CPNE8: variants seen among roughly 807,000 people sequenced by gnomAD.
The protein encoded by CPNE8 is copine-8.
In CPNE8, 45 loss-of-function variants were observed where a neutral mutation model predicts 81.5. That is an observed-to-expected ratio of 0.55 (90% CI 0.44 to 0.71). The LOEUF is 0.71. CPNE8 is among the 30% of genes least tolerant of loss of function. The probability of loss-of-function intolerance (pLI) is 0.00; values close to 1 mark genes in which losing one functional copy is unlikely to be tolerated. For missense variants in CPNE8, 594 were observed against 672.1 expected, an observed-to-expected ratio of 0.88 and a Z score of 1.28; for synonymous variants, 252 against 226.3, an observed-to-expected ratio of 1.11 and a Z score of -1.02.
intron 6 of CPNE8, among the ~76,000 whole-genome samples, chr12:38,811,153 C>T (rs1331893495): frequency 6.6e-6 from 1 of 151,938 alleles, no homozygotes; most frequent in African/African-American, 2.4e-5. Context: ...TGCACATACC[C>T]GTAATCTCAC....
chr12:38,848,726 C>G, intron 3 of CPNE8, 64 bp from the exon 4 acceptor site: 7 of 1,466,574 alleles, frequency 4.8e-6, no homozygotes, highest in Non-Finnish European at 6.3e-6. Context: ...AAGTATAGTA[C>G]TTAATATCAC....
At position 38,806,532 on chromosome 12, in the gene CPNE8, C is replaced by A. The variant is rs554350658; in HGVS notation, c.407+22847G>T. 3.3e-5 allele frequency among the ~76,000 whole-genome samples: 5 copies of A among 149,902 alleles called. No individual in the cohort carries two copies. The South Asian group carries it at 1.1e-3, about 32-fold the overall frequency. On this transcript the variant is annotated intron_variant, in intron 6 of 19. Transcript: ENST00000331366. ...GATTATCTCAATAAATGCAGAAAAG[C>A]CCTTTGACAAAATTCAACAACCCTT...
chr12:38,818,778 A>C (rs1198356653), intron 6 of CPNE8, among the ~76,000 whole-genome samples: 2 of 152,182 alleles, frequency 1.3e-5, no homozygotes, highest in Non-Finnish European at 2.9e-5. Flanking sequence ...ATTTCTCCAC[A>C]TTCTCTCCAA....
At chr12:38,825,410 A>G (rs1304279375) in intron 6 of CPNE8, among the ~76,000 whole-genome samples, 1 of 151,990 alleles carries the variant, frequency 6.6e-6, no homozygotes, top group Non-Finnish European at 1.5e-5. Flanking sequence ...GAAGAGCAGG[A>G]GTTAGCAAGG....
intron 6 of CPNE8, among the ~76,000 whole-genome samples, chr12:38,799,256 G>C (rs1942591792): frequency 1.3e-5 from 2 of 151,532 alleles, no homozygotes; most frequent in Admixed American, 6.6e-5. Context: ...ATTTTTTTCA[G>C]CACACCACAC....
intron 6 of CPNE8, among the ~76,000 whole-genome samples, chr12:38,818,484 A>G (rs1443737719): frequency 6.6e-6 from 1 of 152,202 alleles, no homozygotes; most frequent in Non-Finnish European, 1.5e-5. Context: ...ATGTCTGCAC[A>G]GTATTCTATG....
intron 6 of CPNE8, among the ~76,000 whole-genome samples, chr12:38,777,731 C>A (rs1486399466): frequency 6.6e-6 from 1 of 152,186 alleles, no homozygotes; most frequent in Non-Finnish European, 1.5e-5. Context: ...AGCCTAGGAA[C>A]AAGAGGTTAT....
At chr12:38,807,729 A>G (rs902628598) in intron 6 of CPNE8, among the ~76,000 whole-genome samples, 2 of 151,194 alleles carry the variant, frequency 1.3e-5, no homozygotes, top group African/African-American at 4.8e-5. Context: ...AAGCAATGGC[A>G]ACAAAAGACA....
At chr12:38,734,088 T>G (rs149943372) in intron 10 of CPNE8, among the ~76,000 whole-genome samples, 3 of 152,082 alleles carry the variant, frequency 2.0e-5, no homozygotes, top group Admixed American at 2.0e-4. Context: ...AGTTCCTATA[T>G]TATATTAAAC....
intron 1 of CPNE8, among the ~76,000 whole-genome samples, chr12:38,900,622 G>T (rs564284793): frequency 6.6e-6 from 1 of 152,302 alleles, no homozygotes; most frequent in South Asian, 2.1e-4. Context: ...AGGTAGGGCA[G>T]GGCAAAGAGC....
intron 6 of CPNE8, among the ~76,000 whole-genome samples, chr12:38,783,069 G>A (rs1266295166): frequency 6.6e-6 from 1 of 152,102 alleles, no homozygotes; most frequent in Non-Finnish European, 1.5e-5. Flanking sequence ...TCTTTTAACT[G>A]TATTCTTACA....
rs117833315 is a variant in CPNE8, at chr12:38,863,131, C to G, written c.186+9873G>C. 2.1e-3 allele frequency among the ~76,000 whole-genome samples: 321 copies of G among 152,038 alleles called. 12 individuals are homozygous for G. In the East Asian group the frequency reaches 0.052, roughly 25 times the overall value. ...AAAAGAAACACAAATTATCAATATA[C>G]GAAGGTAAAAAAGGGACATCATGAT... On this transcript the variant is annotated intron_variant, in intron 3 of 19. Coordinates refer to ENST00000331366, the MANE Select transcript of CPNE8 (RefSeq NM_153634.3).
At chr12:38,753,546 G>C (rs1941394752) in intron 10 of CPNE8, among the ~76,000 whole-genome samples, 1 of 151,806 alleles carries the variant, frequency 6.6e-6, no homozygotes, top group South Asian at 2.1e-4. Flanking sequence ...ATAGCAAGAA[G>C]CTACTACATT....
intron 6 of CPNE8, among the ~76,000 whole-genome samples, chr12:38,819,169 T>G (rs1027505539): frequency 6.6e-6 from 1 of 152,228 alleles, no homozygotes; most frequent in Non-Finnish European, 1.5e-5. Flanking sequence ...TGACATTTGT[T>G]GCAATTGCTT....
At chr12:38,695,938 C>T (rs946291945) in intron 14 of CPNE8, among the ~76,000 whole-genome samples, 1 of 152,076 alleles carries the variant, frequency 6.6e-6, no homozygotes, top group Admixed American at 6.6e-5. Flanking sequence ...AAGACCCTGT[C>T]TCAAAAACAA....
intron 7 of CPNE8, among the ~76,000 whole-genome samples, chr12:38,774,325 G>GT (rs1201123514): frequency 3.2e-4 from 49 of 152,180 alleles, no homozygotes; most frequent in African/African-American, 1.1e-3. Flanking sequence ...AAAAGAACAT[G>GT]TATCTTATTG....
intron 6 of CPNE8, among the ~76,000 whole-genome samples, chr12:38,805,687 AAAAAG>A (rs1942782636): frequency 6.9e-6 from 1 of 145,142 alleles, no homozygotes; most frequent in African/African-American, 2.5e-5. Context: ...TAAAAAAAAA[AAAAAG>A]AACTAGAAAA....
chr12:38,808,769 T>C (rs1200058459), intron 6 of CPNE8, among the ~76,000 whole-genome samples: 1 of 149,114 alleles, frequency 6.7e-6, no homozygotes, highest in African/African-American at 2.5e-5. Flanking sequence ...TAAAATAAAA[T>C]AAAAAAAAGA....
chr12:38,691,534 A>T (rs1939676270), intron 15 of CPNE8, among the ~76,000 whole-genome samples: 1 of 152,082 alleles, frequency 6.6e-6, no homozygotes, highest in South Asian at 2.1e-4. Context: ...GAAAATTTTA[A>T]AGTAATATAA....
Sources: gnomAD v4.1 joint callset for allele counts (sites outside exome capture counted in the v4.1 genomes callset) on GRCh38, gnomAD v4.1.1 for gene constraint, MANE v1.5 for transcripts, NCBI Gene and HGNC (gene_info 2026-07-23, HGNC 2026-07-21) for gene names.